The following SGMS1 variants were observed in gnomAD, a reference collection of about 807,000 sequenced individuals.
SGMS1 encodes sphingomyelin synthase 1, also known as phosphatidylcholine:ceramide cholinephosphotransferase 1.
In SGMS1, 13 loss-of-function variants were observed where a neutral mutation model predicts 46.2. The observed-to-expected ratio is 0.28, with a 90% confidence interval of 0.18 to 0.45. SGMS1 has a LOEUF of 0.45. SGMS1 is among the 20% of genes least tolerant of loss of function. The probability of loss-of-function intolerance (pLI) is 1.00; values close to 1 mark genes in which losing one functional copy is unlikely to be tolerated. For missense variants in SGMS1, 324 were observed against 519.9 expected, an observed-to-expected ratio of 0.62 and a Z score of 3.66; for synonymous variants, 203 against 187.8, an observed-to-expected ratio of 1.08 and a Z score of -0.66.
intron 6 of SGMS1, among the ~76,000 whole-genome samples, chr10:50,377,548 A>G (rs751638079): frequency 3.9e-5 from 6 of 152,176 alleles, no homozygotes; most frequent in Non-Finnish European, 7.3e-5. Context: ...TACAGTAGTC[A>G]CTTCTTTTCT....
rs368033482 is a variant in SGMS1 at position 50,410,660 on chromosome 10, G to A, written c.-232+22816C>T. ...ACTGTGAGGTTAAGGAGGACTCAGC[G>A]GTATTCACCGATGAGGGCAAGACCA... On this transcript the variant is annotated intron_variant, in intron 6 of 10. Transcript: ENST00000361781. Among the ~76,000 whole-genome samples, 8 of 152,278 alleles carry A rather than the reference G, an allele frequency of 5.3e-5. No individual in the cohort carries two copies. In the East Asian group the frequency reaches 7.7e-4, roughly 15 times the overall value.
chr10:50,439,060 A>T (rs1849509454), intron 5 of SGMS1, among the ~76,000 whole-genome samples: 1 of 152,204 alleles, frequency 6.6e-6, no homozygotes, highest in African/African-American at 2.4e-5. Context: ...AATGTGATAG[A>T]TTGGACTTAA....
At chr10:50,332,919 G>A (rs1193256737) in intron 7 of SGMS1, among the ~76,000 whole-genome samples, 2 of 152,064 alleles carry the variant, frequency 1.3e-5, no homozygotes, top group African/African-American at 2.4e-5. Flanking sequence ...CCACTGCCAA[G>A]GGCAAAAAGA....
chr10:50,406,387 T>C (rs182588637), intron 6 of SGMS1, among the ~76,000 whole-genome samples: 64 of 152,300 alleles, frequency 4.2e-4, no homozygotes, highest in African/African-American at 1.5e-3. Context: ...CCAGTAGATA[T>C]CCGCCCATGA....
At chr10:50,419,583 C>T (rs1258645715) in intron 6 of SGMS1, among the ~76,000 whole-genome samples, 3 of 152,150 alleles carry the variant, frequency 2.0e-5, no homozygotes, top group Non-Finnish European at 4.4e-5. Context: ...AATATTCCAT[C>T]TGAGTCACTG....
intron 2 of SGMS1, among the ~76,000 whole-genome samples, chr10:50,542,746 T>A (rs1353106870): frequency 1.4e-5 from 2 of 147,842 alleles, no homozygotes; most frequent in Non-Finnish European, 3.0e-5. Flanking sequence ...ATAACAATGA[T>A]ATATATTAAA....
intron 6 of SGMS1, among the ~76,000 whole-genome samples, chr10:50,350,421 T>A (rs1189405033): frequency 6.6e-6 from 1 of 152,222 alleles, no homozygotes; most frequent in Non-Finnish European, 1.5e-5. Flanking sequence ...TCAAGCTGGC[T>A]GCAGAAATTT....
intron 2 of SGMS1, among the ~76,000 whole-genome samples, chr10:50,583,304 C>T (rs1166037430): frequency 6.6e-6 from 1 of 152,154 alleles, no homozygotes; most frequent in South Asian, 2.1e-4. Flanking sequence ...TTAAAAGATA[C>T]ATTAATAATA....
intron 3 of SGMS1, among the ~76,000 whole-genome samples, chr10:50,480,988 G>A (rs1837471509): frequency 6.6e-6 from 1 of 152,198 alleles, no homozygotes; most frequent in African/African-American, 2.4e-5. Flanking sequence ...ACCCCAGCCA[G>A]GGATTTACAA....
chr10:50,420,198 CCTCA>C (rs1182004603), intron 6 of SGMS1, among the ~76,000 whole-genome samples: 9 of 152,194 alleles, frequency 5.9e-5, no homozygotes, highest in Non-Finnish European at 1.0e-4. Context: ...CTCTCATATT[CCTCA>C]TAAAGGTAAT....
intron 3 of SGMS1, among the ~76,000 whole-genome samples, chr10:50,487,985 TTTTA>T (rs3054268): frequency 0.26 from 36,297 of 138,618 alleles, 4,868 homozygotes; most frequent in South Asian, 0.4. Context: ...TTTGTTTTTA[TTTTA>T]TTTATTTATT....
intron 6 of SGMS1, among the ~76,000 whole-genome samples, chr10:50,382,568 T>TACACACAC (rs57835243): frequency 0.35 from 49,300 of 142,460 alleles, 8,892 homozygotes; most frequent in East Asian, 0.43. Context: ...AACACACACA[T>TACACACAC]ACACACACAC....
chr10:50,383,791 A>ATT lies in SGMS1; in HGVS notation c.-231-39448_-231-39447dup, dbSNP rs150631552. 2.4e-3 allele frequency among the ~76,000 whole-genome samples: 362 copies of ATT among 152,278 alleles called. 1 individual carries two copies. The highest frequency in any genetic ancestry group is 8.4e-3 in the African/African-American group (351 of 41,562). On this transcript the variant is annotated intron_variant, in intron 6 of 10. Transcript: ENST00000361781. ...TTTCTTCAATAGGCACAAAGATGCC[A>ATT]TTTTTTCAGTATAAAATAAAGACTA...
Position 50,422,532 on chromosome 10 carries a change from C to A in SGMS1, c.-232+10944G>T, listed in dbSNP as rs189056292. On this transcript the variant is annotated intron_variant, in intron 6 of 10. Transcript: ENST00000361781. ...AGAGTTTTCATGTAAAATCCCAGTT[C>A]CCCAAACACGAATCCACTGTGGAGA... 2.3e-4 allele frequency among the ~76,000 whole-genome samples: 35 copies of A among 152,272 alleles called. No homozygotes were observed. In the East Asian group the frequency reaches 6.8e-3, roughly 29 times the overall value.
chr10:50,520,459 T>C (rs1410812627), intron 2 of SGMS1, among the ~76,000 whole-genome samples: 1 of 152,192 alleles, frequency 6.6e-6, no homozygotes, highest in African/African-American at 2.4e-5. Flanking sequence ...CAAAGAGCTT[T>C]CACATGCATT....
rs528422535 is a variant in SGMS1 at position 50,437,369 on chromosome 10, G to A, written c.-312-3813C>T. Reference sequence around the variant, plus strand: ...GCAGTATTCAGAGGCTTCTTGGCCAGTGGAAAATTCAGAAATGTTAACACC... The same window carrying A: ...GCAGTATTCAGAGGCTTCTTGGCCAATGGAAAATTCAGAAATGTTAACACC... On this transcript the variant is annotated intron_variant, in intron 5 of 10. Coordinates refer to ENST00000361781, the MANE Select transcript of SGMS1 (RefSeq NM_147156.4). 6.6e-5 allele frequency among the ~76,000 whole-genome samples: 10 copies of A among 152,344 alleles called. No individual in the cohort carries two copies. In the East Asian group the frequency reaches 1.9e-3, roughly 29 times the overall value.
intron 5 of SGMS1, among the ~76,000 whole-genome samples, chr10:50,448,960 C>A: frequency 6.6e-6 from 1 of 152,042 alleles, no homozygotes; most frequent in Non-Finnish European, 1.5e-5. Context: ...ATGAAAAGGG[C>A]TCCACATAAT....
intron 2 of SGMS1, among the ~76,000 whole-genome samples, chr10:50,553,308 C>A (rs913056360): frequency 2.6e-5 from 4 of 152,138 alleles, no homozygotes; most frequent in African/African-American, 9.7e-5. Context: ...AAATATACCA[C>A]CTTGGTCAAG....
chr10:50,350,422 G>A (rs1047726794), intron 6 of SGMS1, among the ~76,000 whole-genome samples: 4 of 152,234 alleles, frequency 2.6e-5, no homozygotes, highest in African/African-American at 9.6e-5. Context: ...CAAGCTGGCT[G>A]CAGAAATTTT....
Sources: gnomAD v4.1 joint callset for allele counts (sites outside exome capture counted in the v4.1 genomes callset) on GRCh38, gnomAD v4.1.1 for gene constraint, MANE v1.5 for transcripts, NCBI Gene and HGNC (gene_info 2026-07-23, HGNC 2026-07-21) for gene names.